Variants in AJAP1 observed in about 807,000 individuals in gnomAD.
AJAP1 encodes adherens junctions associated protein 1, also known as adherens junction-associated protein 1.
In AJAP1, 5 loss-of-function variants were observed where a neutral mutation model predicts 35.0. That is an observed-to-expected ratio of 0.14 (90% confidence interval 0.07 to 0.30). The LOEUF (loss-of-function observed/expected upper bound fraction) is 0.30, where lower values mean the gene tolerates loss of function less well. AJAP1 is among the 10% of genes least tolerant of loss of function. The pLI, the probability that AJAP1 is intolerant of heterozygous loss-of-function variation, is 1.00. For synonymous variants in AJAP1, 284 were observed against 249.3 expected (o/e 1.14, Z -1.31); for missense variants, 586 against 571.0 (o/e 1.03, Z -0.27).
At chr1:4,707,154 C>G (rs1640118127) in intron 1 of AJAP1, among the ~76,000 whole-genome samples, 1 of 152,172 alleles carries the variant, frequency 6.6e-6, no homozygotes, top group Non-Finnish European at 1.5e-5. Context: ...GCCTGCAGCT[C>G]TGGGGGCCGC....
At chr1:4,721,297 C>T (rs1640510825) in intron 2 of AJAP1, among the ~76,000 whole-genome samples, 1 of 152,182 alleles carries the variant, frequency 6.6e-6, no homozygotes, top group African/African-American at 2.4e-5. Flanking sequence ...GGGACCCTCC[C>T]ACCACATACC....
chr1:4,764,807 G>A (rs763262724), intron 2 of AJAP1, among the ~76,000 whole-genome samples: 27 of 152,128 alleles, frequency 1.8e-4, no homozygotes, highest in East Asian at 3.9e-4. Flanking sequence ...CGTGCCTCAC[G>A]TCCTAGAAAG....
intron 1 of AJAP1, among the ~76,000 whole-genome samples, chr1:4,701,127 T>G (rs1008591647): frequency 2.0e-5 from 3 of 152,200 alleles, no homozygotes; most frequent in African/African-American, 7.2e-5. Flanking sequence ...GCGAAGGCTG[T>G]CGAGCAACAT....
intron 3 of AJAP1, among the ~76,000 whole-genome samples, chr1:4,770,518 CCT>C (rs1423284842): frequency 6.6e-6 from 1 of 152,160 alleles, no homozygotes; most frequent in Non-Finnish European, 1.5e-5. Flanking sequence ...CTGATAAGCC[CCT>C]GAGAAATCAG....
intron 2 of AJAP1, among the ~76,000 whole-genome samples, chr1:4,714,673 A>G (rs1162107100): frequency 2.6e-5 from 4 of 152,340 alleles, no homozygotes; most frequent in South Asian, 4.1e-4. Context: ...TTGTTTAGCA[A>G]AACAAATCTA....
In AJAP1 at chr1:4,735,810, C is replaced by T. The variant is rs554313683; in HGVS notation, c.829+23111C>T. Among the ~76,000 whole-genome samples the T allele has an allele frequency of 3.3e-5, 5 of 152,348 alleles. No homozygotes were observed. The South Asian group carries it at 6.2e-4, about 19-fold the overall frequency. On this transcript the variant is annotated intron_variant, in intron 2 of 5. Transcript: ENST00000378191. ...TCTTCCTGAAAATGGGGCACAGCCC[C>T]TGTTACCCCTGCCTCTGGCCTCGGA...
At chr1:4,658,928 G>A (rs1171833174) in intron 1 of AJAP1, among the ~76,000 whole-genome samples, 1 of 152,174 alleles carries the variant, frequency 6.6e-6, no homozygotes, top group Non-Finnish European at 1.5e-5. Flanking sequence ...GGGGGTCGCT[G>A]GAGGTGCTTC....
intron 1 of AJAP1, among the ~76,000 whole-genome samples, chr1:4,708,344 C>T (rs1202529579): frequency 1.3e-5 from 2 of 152,104 alleles, no homozygotes; most frequent in East Asian, 1.9e-4. Context: ...CCCACAGCCT[C>T]GCCTCCTGAT....
At chr1:4,732,168 G>A (rs1306684021) in intron 2 of AJAP1, among the ~76,000 whole-genome samples, 1 of 152,264 alleles carries the variant, frequency 6.6e-6, no homozygotes, top group East Asian at 1.9e-4. Flanking sequence ...CTTGCCCGAA[G>A]GGCCCCATGA....
At chr1:4,762,825 C>G (rs186949131) in intron 2 of AJAP1, among the ~76,000 whole-genome samples, 148 of 152,290 alleles carry the variant, frequency 9.7e-4, no homozygotes, top group African/African-American at 3.5e-3. Flanking sequence ...GTGCCCACTT[C>G]ATGGTGCTGT....
intron 2 of AJAP1, among the ~76,000 whole-genome samples, chr1:4,728,260 G>C (rs1378323977): frequency 4.6e-5 from 7 of 152,190 alleles, no homozygotes; most frequent in Non-Finnish European, 1.0e-4. Flanking sequence ...ATGGCCTTTG[G>C]CAGCTTGGAG....
At chr1:4,718,935 C>A (rs925185281) in intron 2 of AJAP1, among the ~76,000 whole-genome samples, 3 of 152,178 alleles carry the variant, frequency 2.0e-5, no homozygotes, top group South Asian at 2.1e-4. Flanking sequence ...AAACCAGTCT[C>A]CTTTAAGGGA....
intron 2 of AJAP1, among the ~76,000 whole-genome samples, chr1:4,744,162 G>A (rs1274835463): frequency 1.3e-5 from 2 of 152,188 alleles, no homozygotes; most frequent in Non-Finnish European, 2.9e-5. Flanking sequence ...CCGAGCTGGT[G>A]CAGCCACGCA....
At chr1:4,744,402 T>C (rs762575646) in intron 2 of AJAP1, among the ~76,000 whole-genome samples, 6 of 152,180 alleles carry the variant, frequency 3.9e-5, no homozygotes, top group Non-Finnish European at 8.8e-5. Flanking sequence ...AGAGCAATTA[T>C]TAAACTGTAT....
At chr1:4,773,594 G>C (rs1052778007) in intron 4 of AJAP1, among the ~76,000 whole-genome samples, 2 of 152,208 alleles carry the variant, frequency 1.3e-5, no homozygotes, top group Admixed American at 1.3e-4. Context: ...CCTCAGAACT[G>C]TTGTTCTAAA....
chr1:4,783,469 GTGTATATATATATATATATATATATA>G lies in AJAP1; in HGVS notation c.*986_*1011del, dbSNP rs1246748775. ...GAATGCCAAGGTTTTATATATGTGT[GTGTATATATATATATATATATATATA>G]TATATATATATATATGTTTGTGTGT... On this transcript the variant is annotated 3_prime_UTR_variant, in exon 6 of 6. Transcript: ENST00000378191. 6 of 111,488 alleles carry G rather than the reference GTGTATATATATATATATATATATATA, an allele frequency of 5.4e-5. No individual in the cohort carries two copies. Among genetic ancestry groups the G allele is most frequent in the East Asian group, 2.6e-4 (1 of 3,800 alleles). 6.9% of individuals were successfully genotyped at this position (111,488 alleles called of 1,614,324 possible).
Position 4,755,173 on chromosome 1 carries a change from G to A in AJAP1, c.830-14680G>A, listed in dbSNP as rs573195711. On this transcript the variant is annotated intron_variant, in intron 2 of 5. Transcript: ENST00000378191. ...CAGGGAGGGTAACTGGGGGCCTTTC[G>A]AGTGCATCTATTTATCTGTTTATTG... 3.9e-5 allele frequency among the ~76,000 whole-genome samples: 6 copies of A among 152,300 alleles called. No individual in the cohort carries two copies. In the South Asian group the frequency reaches 8.3e-4, roughly 21 times the overall value.
At chr1:4,689,939 C>A (rs1570114866) in intron 1 of AJAP1, among the ~76,000 whole-genome samples, 1 of 152,138 alleles carries the variant, frequency 6.6e-6, no homozygotes, top group South Asian at 2.1e-4. Flanking sequence ...GGGTGACTGT[C>A]CCTCAGCCAG....
intron 1 of AJAP1, among the ~76,000 whole-genome samples, chr1:4,671,973 C>G (rs1009613787): frequency 6.6e-6 from 1 of 152,212 alleles, no homozygotes; most frequent in African/African-American, 2.4e-5. Context: ...TTCTCCTTAT[C>G]TCACAGGGCC....
Sources: allele counts gnomAD v4.1 joint callset (sites outside exome capture counted in the v4.1 genomes callset), GRCh38; gene constraint gnomAD v4.1.1; transcripts MANE v1.5; gene names NCBI Gene and HGNC (gene_info 2026-07-23, HGNC 2026-07-21).